Variants in WDR41 observed in about 807,000 individuals in gnomAD.
WDR41 encodes WD repeat domain 41.
In WDR41, 63 loss-of-function variants were observed where a neutral mutation model predicts 69.3. The observed-to-expected ratio is 0.91, with a 90% CI of 0.74 to 1.12. The LOEUF is 1.12. WDR41 is among the 50% of genes most tolerant of loss of function. The pLI is 0.00. For synonymous variants in WDR41, 185 were observed against 192.1 expected, an observed-to-expected ratio of 0.96 and a Z score of 0.31; for missense variants, 543 against 534.5, an observed-to-expected ratio of 1.02 and a Z score of -0.16.
chr5:77,453,760 T>C, intron 6 of WDR41, 57 bp downstream of exon 6: 4 of 1,377,346 alleles, frequency 2.9e-6, no homozygotes, highest in Non-Finnish European at 4.1e-6. Flanking sequence ...TCTCTGAAGA[T>C]CTGCTGTGTC....
chr5:77,608,967 C>T (rs764706741), intron 1 of WDR41, among the ~76,000 whole-genome samples: 3 of 152,192 alleles, frequency 2.0e-5, no homozygotes, highest in South Asian at 2.1e-4. Flanking sequence ...TGCGCTTTTC[C>T]GACGGGCTTA....
At chr5:77,525,875 AG>A (rs1320023234) in intron 1 of WDR41, among the ~76,000 whole-genome samples, 3 of 152,218 alleles carry the variant, frequency 2.0e-5, no homozygotes, top group African/African-American at 7.2e-5. Flanking sequence ...GGAGCTCATT[AG>A]TGGCAGCTTG....
chr5:77,447,155 T>C (rs149323), intron 8 of WDR41, among the ~76,000 whole-genome samples: 82,158 of 151,566 alleles, frequency 0.54, 22,468 homozygotes, highest in African/African-American at 0.62. Context: ...AAAAAACATA[T>C]GAAAAAAAGC....
chr5:77,494,933 T>C (rs1581772740), upstream of WDR41, among the ~76,000 whole-genome samples: 1 of 152,156 alleles, frequency 6.6e-6, no homozygotes, highest in East Asian at 1.9e-4. Context: ...TTTTAAAAGA[T>C]AGATATCACA....
chr5:77,595,054 C>A (rs540803013), intron 1 of WDR41, among the ~76,000 whole-genome samples: 4 of 152,084 alleles, frequency 2.6e-5, no homozygotes, highest in African/African-American at 7.2e-5. Context: ...AATTTGAGAG[C>A]CTTCTGATTA....
intron 1 of WDR41, among the ~76,000 whole-genome samples, chr5:77,504,795 G>A (rs1179665495): frequency 6.6e-6 from 1 of 152,140 alleles, no homozygotes; most frequent in East Asian, 1.9e-4. Flanking sequence ...CTCAATAGAT[G>A]CAGTAAAGGC....
chr5:77,541,354 C>T (rs760568273), intron 1 of WDR41, among the ~76,000 whole-genome samples: 3 of 151,910 alleles, frequency 2.0e-5, no homozygotes, highest in Non-Finnish European at 2.9e-5. Flanking sequence ...TGAAAAAAAG[C>T]TCAATATCAC....
intron 1 of WDR41, among the ~76,000 whole-genome samples, chr5:77,526,356 T>C (rs953577102): frequency 1.3e-5 from 2 of 152,110 alleles, no homozygotes; most frequent in Non-Finnish European, 2.9e-5. Flanking sequence ...AAATTAACAA[T>C]GATCCCTTAA....
At chr5:77,510,246 A>G (rs28733474) in intron 1 of WDR41, among the ~76,000 whole-genome samples, 50,411 of 151,972 alleles carry the variant, frequency 0.33, 8,416 homozygotes, top group Admixed American at 0.36. Flanking sequence ...TTGTGCAGAG[A>G]AACTCCCGTT....
At position 77,437,387 on chromosome 5, in the gene WDR41, T is replaced by C. The variant is rs143025886; in HGVS notation, c.1042A>G (p.Ile348Val). Residue 348 changes from isoleucine (I) to valine (V), a missense_variant, in exon 11 of 13, where the codon ATT becomes GTT. Coordinates refer to ENST00000296679, the MANE Select transcript of WDR41 (RefSeq NM_018268.4). Reference sequence around the variant, plus strand: ...TGCTGTTTTTCTCTTAACTCCCAAATGCGTACACTGCCATCTTCTGAGCAT... The same window carrying C: ...TGCTGTTTTTCTCTTAACTCCCAAACGCGTACACTGCCATCTTCTGAGCAT... Reference protein sequence around the residue: ...ISCSEDGSVRIWELREKQQLA... With the variant: ...ISCSEDGSVRVWELREKQQLA... The C allele has an allele frequency of 6.2e-7, 1 of 1,613,980 alleles. No homozygotes were observed. The highest frequency in any genetic ancestry group is 1.3e-5 in the African/African-American group (1 of 75,038).
At chr5:77,558,775 A>G (rs1373447512) in intron 1 of WDR41, among the ~76,000 whole-genome samples, 1 of 152,190 alleles carries the variant, frequency 6.6e-6, no homozygotes, top group African/African-American at 2.4e-5. Flanking sequence ...AGTCTCTTAA[A>G]CTCAGCAATA....
intron 1 of WDR41, among the ~76,000 whole-genome samples, chr5:77,613,953 AAAAC>A (rs1300247755): frequency 1.3e-5 from 2 of 152,250 alleles, no homozygotes; most frequent in Non-Finnish European, 2.9e-5. Flanking sequence ...TTACAAGAAA[AAAAC>A]AAACAACCCT....
At chr5:77,508,033 C>G (rs1038924011) in intron 1 of WDR41, among the ~76,000 whole-genome samples, 1 of 152,072 alleles carries the variant, frequency 6.6e-6, no homozygotes, top group Non-Finnish European at 1.5e-5. Flanking sequence ...TACTGAGCCT[C>G]TCCAGTAAAT....
chr5:77,559,885 C>T (rs910355398), intron 1 of WDR41, among the ~76,000 whole-genome samples: 2 of 152,034 alleles, frequency 1.3e-5, no homozygotes, highest in African/African-American at 4.8e-5. Context: ...AACAAAGCAA[C>T]ACATAATTTC....
At chr5:77,594,406 G>C (rs1397142663) in intron 1 of WDR41, among the ~76,000 whole-genome samples, 2 of 151,362 alleles carry the variant, frequency 1.3e-5, no homozygotes, top group South Asian at 2.1e-4. Context: ...CTAGAACTTA[G>C]AGTATAATAA....
chr5:77,480,746 G>T (rs1801195098), intron 2 of WDR41, among the ~76,000 whole-genome samples: 1 of 151,262 alleles, frequency 6.6e-6, no homozygotes, highest in African/African-American at 2.4e-5. Flanking sequence ...AGTGGGTGCA[G>T]CGCACCAGCA....
intron 1 of WDR41, among the ~76,000 whole-genome samples, chr5:77,596,257 C>T (rs1744226181): frequency 6.6e-6 from 1 of 152,156 alleles, no homozygotes; most frequent in South Asian, 2.1e-4. Flanking sequence ...AAGTGACTCT[C>T]CTGCCTCAGC....
chr5:77,541,487 CTTTTTTTTTTTTT>C (rs11335010), intron 1 of WDR41, among the ~76,000 whole-genome samples: 1 of 97,828 alleles, frequency 1.0e-5, no homozygotes. Flanking sequence ...AAAAGGAATT[CTTTTTTTTTTTTT>C]TTTTTTTTTT....
rs146313494 is a variant in WDR41, at chr5:77,597,352, T to C, written c.42+23127A>G. ...GAGGAAAAGGTACTTTGAATATTAA[T>C]GAGTGTTTAATTCATTTAGCTTTCC... On this transcript the variant is annotated intron_variant, in intron 1 of 5. Transcript: ENST00000509971. Among the ~76,000 whole-genome samples the C allele has an allele frequency of 6.6e-5, 10 of 152,312 alleles. No individual in the cohort carries two copies. In the East Asian group the frequency reaches 1.7e-3, roughly 26 times the overall value.
Sources: gnomAD v4.1 joint callset for allele counts (sites outside exome capture counted in the v4.1 genomes callset) on GRCh38, gnomAD v4.1.1 for gene constraint, MANE v1.5 for transcripts, NCBI Gene and HGNC (gene_info 2026-07-23, HGNC 2026-07-21) for gene names.